SP140: variants seen among roughly 807,000 people sequenced by gnomAD.
SP140 encodes nuclear body protein SP140.
Under a neutral mutation model 125.0 loss-of-function variants are expected in SP140, and 81 were observed. That is an observed-to-expected ratio of 0.65 (90% confidence interval 0.54 to 0.78). The LOEUF (loss-of-function observed/expected upper bound fraction) is 0.78, where lower values mean the gene tolerates loss of function less well. Among genes scored for constraint, SP140 ranks in the 30% least tolerant of loss-of-function variants. SP140 has a pLI of 0.00. For synonymous variants in SP140, 312 were observed against 354.0 expected (o/e 0.88, Z 1.33); for missense variants, 858 against 1,037.0 (o/e 0.83, Z 2.37).
chr2:230,297,113 C>G (rs1010216226), intron 21 of SP140, among the ~76,000 whole-genome samples: 1 of 152,178 alleles, frequency 6.6e-6, no homozygotes, highest in African/African-American at 2.4e-5. Context: ...GTGAGGCCAA[C>G]ACAGGAGTAA....
chr2:230,292,717 G>T lies in SP140; in HGVS notation c.1897G>T (p.Gly633Cys), dbSNP rs751223325. 6.2e-7 allele frequency: 1 copy of T among 1,614,122 alleles called. No homozygotes were observed. The highest frequency in any genetic ancestry group is 1.3e-5 in the African/African-American group (1 of 74,926). The change falls in exon 20 of 27, where the codon GGC (glycine) becomes TGC (cysteine). Residue 633 changes from glycine (G) to cysteine (C), a missense_variant. Gly to Cys is a radical substitution (Grantham distance 159). Transcript: ENST00000392045. ...FTPTEFEIKG[G>C]HARSKNWRLS... is the part of the protein sequence containing the mutation. The stretch of plus-strand genomic sequence containing the variant: ...CCCCACGGAATTTGAAATCAAAGGA[G>T]GCCATGCAAGATCAAAGAACTGGAG...
upstream of SP140, among the ~76,000 whole-genome samples, chr2:230,224,065 A>C (rs78177229): frequency 2.4e-4 from 36 of 152,290 alleles, 1 homozygote; most frequent in East Asian, 6.0e-3. Context: ...GAAAAACAAG[A>C]TAGTGGGAAA....
chr2:230,254,210 G>A (rs2050800883), intron 11 of SP140, among the ~76,000 whole-genome samples: 1 of 152,182 alleles, frequency 6.6e-6, no homozygotes, highest in Admixed American at 6.5e-5. Flanking sequence ...AAGTACCCAT[G>A]AAGAGTGCAA....
chr2:230,264,075 T>C (rs548284673), intron 12 of SP140, among the ~76,000 whole-genome samples: 2 of 152,306 alleles, frequency 1.3e-5, no homozygotes, highest in East Asian at 3.9e-4. Flanking sequence ...TTTCCAAGCT[T>C]TTAGAATTCT....
chr2:230,314,778 G>A (rs770554747), downstream of SP140, among the ~76,000 whole-genome samples: 1 of 152,246 alleles, frequency 6.6e-6, no homozygotes, highest in African/African-American at 2.4e-5. Context: ...ACTAACTAAA[G>A]GGAGAAGGAA....
At chr2:230,201,827 T>C (rs1404825579), upstream of SP140, among the ~76,000 whole-genome samples, 1 of 152,278 alleles carries the variant, frequency 6.6e-6, no homozygotes, top group Non-Finnish European at 1.5e-5. Flanking sequence ...TTAATTGATA[T>C]GGTTTCAAAT....
intron 21 of SP140, among the ~76,000 whole-genome samples, chr2:230,294,570 C>A (rs559963065): frequency 3.9e-4 from 60 of 152,266 alleles, no homozygotes; most frequent in African/African-American, 1.4e-3. Context: ...GAATATACGT[C>A]CTGGGAGTGT....
At chr2:230,300,740 G>T (rs548780965) in intron 22 of SP140, among the ~76,000 whole-genome samples, 1 of 152,200 alleles carries the variant, frequency 6.6e-6, no homozygotes, top group South Asian at 2.1e-4. Flanking sequence ...ACAAAACAAA[G>T]TTCTATAACA....
upstream of SP140, among the ~76,000 whole-genome samples, chr2:230,221,150 G>A (rs188009474): frequency 2.6e-5 from 4 of 151,536 alleles, no homozygotes; most frequent in Admixed American, 1.3e-4. Flanking sequence ...ATGTGGTGGC[G>A]GGAACCTGTA....
rs894059881 is a variant in SP140 at position 230,240,549 on chromosome 2, A to G, written c.407-855A>G. Among the ~76,000 whole-genome samples, 6 of 151,402 alleles carry G rather than the reference A, an allele frequency of 4.0e-5. No individual in the cohort carries two copies. In the East Asian group the frequency reaches 1.2e-3, roughly 29 times the overall value. On this transcript the variant is annotated intron_variant, in intron 3 of 26. Coordinates refer to ENST00000392045, the MANE Select transcript of SP140 (RefSeq NM_007237.5). ...AGACAGGAGATATAAAATGTCCAGC[A>G]AGAATATAAAGTGTATGACATTATT... is the stretch of plus-strand genomic sequence containing the variant.
the SP140 span, among the ~76,000 whole-genome samples, chr2:230,197,948 A>G: frequency 6.6e-6 from 1 of 152,176 alleles, no homozygotes; most frequent in African/African-American, 2.4e-5. Context: ...TACCATGCCT[A>G]GCCTGATTTA....
At chr2:230,187,618 G>A in the SP140 span, among the ~76,000 whole-genome samples, 1 of 152,028 alleles carries the variant, frequency 6.6e-6, no homozygotes, top group African/African-American at 2.4e-5. Context: ...AATTTTTCTG[G>A]TTTCAGGTCT....
chr2:230,199,304 G>A (rs2043026812), upstream of SP140, among the ~76,000 whole-genome samples: 1 of 149,424 alleles, frequency 6.7e-6, no homozygotes, highest in African/African-American at 2.5e-5. Flanking sequence ...TGCCTCCTGG[G>A]TTCAAGCGAT....
At chr2:230,192,102 T>G in the SP140 span, among the ~76,000 whole-genome samples, 1 of 151,684 alleles carries the variant, frequency 6.6e-6, no homozygotes, top group African/African-American at 2.4e-5. Context: ...TGTTAAAAAC[T>G]CTCAATAAAC....
intron 5 of SP140, 139 bp downstream of exon 5, chr2:230,243,950 T>C (rs1559239732): frequency 1.7e-6 from 1 of 581,646 alleles, no homozygotes. Context: ...CCTATAATTC[T>C]GCTAAATTTT....
intron 4 of SP140, among the ~76,000 whole-genome samples, chr2:230,242,760 C>T (rs149505294): frequency 4.6e-4 from 70 of 152,178 alleles, no homozygotes; most frequent in African/African-American, 1.6e-3. Context: ...AAATACATGC[C>T]AGTTATGCAG....
At chr2:230,254,305 A>AC (rs1165674243) in intron 11 of SP140, among the ~76,000 whole-genome samples, 1 of 152,204 alleles carries the variant, frequency 6.6e-6, no homozygotes, top group Non-Finnish European at 1.5e-5. Context: ...AGCAAACGGC[A>AC]CCTCTATCAA....
At chr2:230,299,439 C>T (rs567448677) in intron 22 of SP140, among the ~76,000 whole-genome samples, 1 of 152,156 alleles carries the variant, frequency 6.6e-6, no homozygotes, top group Non-Finnish European at 1.5e-5. Context: ...CCCCAAGGAT[C>T]CCTATAAGCA....
At chr2:230,275,880 G>A (rs1445544301) in intron 15 of SP140, among the ~76,000 whole-genome samples, 1 of 152,122 alleles carries the variant, frequency 6.6e-6, no homozygotes, top group Non-Finnish European at 1.5e-5. Context: ...CTGGATAGAA[G>A]ATCCAACCAG....
Sources: allele counts gnomAD v4.1 joint callset (sites outside exome capture counted in the v4.1 genomes callset), GRCh38; gene constraint gnomAD v4.1.1; transcripts MANE v1.5; gene names NCBI Gene and HGNC (gene_info 2026-07-23, HGNC 2026-07-21).